The following PDE7A variants were observed in gnomAD, a reference collection of about 807,000 sequenced individuals.
PDE7A encodes the protein phosphodiesterase 7A.
A neutral mutation model predicts 64.3 loss-of-function variants in PDE7A; 39 were observed. That is an observed-to-expected ratio of 0.61 (90% CI 0.47 to 0.79). The LOEUF is 0.79. PDE7A is among the 30% of genes least tolerant of loss of function. The probability of loss-of-function intolerance (pLI) is 0.00; values close to 1 mark genes in which losing one functional copy is unlikely to be tolerated. For synonymous variants in PDE7A, 203 were observed against 206.8 expected (o/e 0.98, Z 0.16); for missense variants, 470 against 582.8 (o/e 0.81, Z 1.99).
chr8:65,830,107 C>G (rs762327449), intron 1 of PDE7A, among the ~76,000 whole-genome samples: 1 of 152,092 alleles, frequency 6.6e-6, no homozygotes, highest in Non-Finnish European at 1.5e-5. Flanking sequence ...AAAACCGTAA[C>G]TCTCACATTT....
At chr8:65,805,488 A>G (rs1328962059) in intron 1 of PDE7A, among the ~76,000 whole-genome samples, 1 of 152,232 alleles carries the variant, frequency 6.6e-6, no homozygotes, top group Non-Finnish European at 1.5e-5. Flanking sequence ...TTGCTAATCT[A>G]CCATGTTGAC....
chr8:65,811,450 C>T (rs529161307), intron 1 of PDE7A, among the ~76,000 whole-genome samples: 1 of 152,342 alleles, frequency 6.6e-6, no homozygotes, highest in East Asian at 1.9e-4. Context: ...CCTGCTAGGC[C>T]TCCCATTGGC....
rs530541030 is a variant in PDE7A, at chr8:65,804,531, A to AT, written c.139-21689dup. 7.8e-3 allele frequency among the ~76,000 whole-genome samples: 1,095 copies of AT among 140,238 alleles called. 7 individuals carry two copies. The highest frequency in any genetic ancestry group is 0.027 in the African/African-American group (991 of 36,864). 92.0% of individuals were successfully genotyped at this position (140,238 alleles called of 152,430 possible). A position where few individuals can be genotyped will look rare whatever the true frequency, so the allele number is the denominator to read the frequency against. On this transcript the variant is annotated intron_variant, in intron 1 of 12. Transcript: ENST00000401827. ...GTAATTTGAGAAAGCTGAAAGTTTC[A>AT]TTTTGTTGCTTTTTTTTTTTTTTTT... is the stretch of plus-strand genomic sequence containing the variant.
chr8:65,812,744 C>T (rs1810286236), intron 1 of PDE7A, among the ~76,000 whole-genome samples: 2 of 152,064 alleles, frequency 1.3e-5, no homozygotes, highest in South Asian at 4.1e-4. Context: ...AATACAAATG[C>T]TATTAACATA....
At chr8:65,726,320 T>A (rs917732705) in intron 9 of PDE7A, among the ~76,000 whole-genome samples, 2 of 150,596 alleles carry the variant, frequency 1.3e-5, no homozygotes, top group African/African-American at 4.8e-5. Flanking sequence ...GGTTCTAAAA[T>A]AGCCCATTTA....
chr8:65,813,746 G>C (rs1810311288), intron 1 of PDE7A, among the ~76,000 whole-genome samples: 1 of 152,092 alleles, frequency 6.6e-6, no homozygotes, highest in Admixed American at 6.5e-5. Context: ...CAATTACAAA[G>C]AAGATATTCT....
chr8:65,775,512 G>T (rs1809234385), intron 3 of PDE7A, among the ~76,000 whole-genome samples: 1 of 152,294 alleles, frequency 6.6e-6, no homozygotes, highest in Admixed American at 6.5e-5. Flanking sequence ...TTTGACCCAA[G>T]AAGTACTTAT....
intron 12 of PDE7A, 153 bp from the exon 13 acceptor site, chr8:65,719,648 T>C (rs991076010): frequency 9.7e-6 from 6 of 619,244 alleles, no homozygotes; most frequent in Non-Finnish European, 1.7e-5. Context: ...GGTGACAGAG[T>C]CTGTAATGTA....
At chr8:65,776,300 A>G (rs1274037987) in intron 3 of PDE7A, among the ~76,000 whole-genome samples, 2 of 152,152 alleles carry the variant, frequency 1.3e-5, no homozygotes, top group African/African-American at 2.4e-5. Flanking sequence ...ATTCTATAGT[A>G]TGCCTTTATT....
intron 1 of PDE7A, among the ~76,000 whole-genome samples, chr8:65,784,541 T>C (rs1298763077): frequency 1.3e-5 from 2 of 152,150 alleles, no homozygotes; most frequent in Non-Finnish European, 2.9e-5. Flanking sequence ...AAGTCTTAGA[T>C]AGGAAGGCCT....
At chr8:65,823,414 T>C (rs950795750) in intron 1 of PDE7A, among the ~76,000 whole-genome samples, 13 of 152,216 alleles carry the variant, frequency 8.5e-5, no homozygotes, top group African/African-American at 2.4e-4. Context: ...CTTTAAATGT[T>C]TGCAAGATAT....
chr8:65,818,927 C>A (rs1027247136), intron 1 of PDE7A, among the ~76,000 whole-genome samples: 11 of 152,220 alleles, frequency 7.2e-5, no homozygotes, highest in African/African-American at 2.2e-4. Flanking sequence ...TTCTCACTGG[C>A]AGTACCTTCA....
chr8:65,822,131 G>A (rs1810556009), intron 1 of PDE7A, among the ~76,000 whole-genome samples: 1 of 152,182 alleles, frequency 6.6e-6, no homozygotes, highest in African/African-American at 2.4e-5. Context: ...ACTCAACAGG[G>A]ACCCATCTAT....
intron 3 of PDE7A, among the ~76,000 whole-genome samples, chr8:65,761,192 A>T (rs1350682493): frequency 6.6e-6 from 1 of 151,848 alleles, no homozygotes; most frequent in African/African-American, 2.4e-5. Context: ...CAGCCTCCCG[A>T]GTAGCTGGGA....
chr8:65,779,691 C>T lies in PDE7A; in HGVS notation c.283+29G>A, dbSNP rs774416982. 23 of 1,149,600 alleles carry T rather than the reference C, an allele frequency of 2.0e-5. No homozygotes were observed. The African/African-American group carries it at 2.7e-4, about 13-fold the overall frequency. The allele number at this position is 1,149,600 out of a possible 1,614,324, so 71.2% of individuals were successfully genotyped here. A position where few individuals can be genotyped will look rare whatever the true frequency, so the allele number is the denominator to read the frequency against. Reference sequence around the variant, plus strand: ...TTTATTAAAATTTGTAGTGAAAATCCGAGAAACTTCATGTCTACCAACACT... The same window carrying T: ...TTTATTAAAATTTGTAGTGAAAATCTGAGAAACTTCATGTCTACCAACACT... On this transcript the variant is annotated intron_variant, in intron 3 of 12. Transcript: ENST00000401827.
rs576035596 is a variant in PDE7A, at chr8:65,828,804, C to T, written c.138+12567G>A. 2.6e-5 allele frequency among the ~76,000 whole-genome samples: 4 copies of T among 152,174 alleles called. No homozygotes were observed. The East Asian group carries it at 5.8e-4, about 22-fold the overall frequency. On this transcript the variant is annotated intron_variant, in intron 1 of 12. Coordinates refer to ENST00000401827, the MANE Select transcript of PDE7A (RefSeq NM_001242318.3). The stretch of plus-strand genomic sequence containing the variant: ...ACTCTTCTGCCAAAACAAAACAAAG[C>T]CAAACCACCTTTTATTTGCATTTCC...
chr8:65,746,097 A>ATTT (rs374802114), intron 4 of PDE7A, among the ~76,000 whole-genome samples: 2 of 141,308 alleles, frequency 1.4e-5, no homozygotes, highest in Non-Finnish European at 1.5e-5. Context: ...TACCTGGCTA[A>ATTT]TTTTTTTTTT....
intron 1 of PDE7A, among the ~76,000 whole-genome samples, chr8:65,800,975 A>G (rs1809971950): frequency 6.6e-6 from 1 of 152,208 alleles, no homozygotes; most frequent in Non-Finnish European, 1.5e-5. Flanking sequence ...AGACACGAAC[A>G]GACACTGACT....
intron 1 of PDE7A, among the ~76,000 whole-genome samples, chr8:65,799,370 A>G (rs1809936700): frequency 6.6e-6 from 1 of 152,150 alleles, no homozygotes; most frequent in African/African-American, 2.4e-5. Context: ...AAAACTGTCA[A>G]CCATAATAGG....
Sources: gnomAD v4.1 joint callset for allele counts (sites outside exome capture counted in the v4.1 genomes callset) on GRCh38, gnomAD v4.1.1 for gene constraint, MANE v1.5 for transcripts, NCBI Gene and HGNC (gene_info 2026-07-23, HGNC 2026-07-21) for gene names.